ARIH2: variants seen among roughly 807,000 people sequenced by gnomAD.
The protein encoded by ARIH2 is ariadne RBR E3 ubiquitin protein ligase 2, also known as E3 ubiquitin-protein ligase ARIH2.
Under a neutral mutation model 79.8 loss-of-function variants are expected in ARIH2, and 12 were observed. The observed-to-expected ratio is 0.15, with a 90% confidence interval of 0.10 to 0.24. The LOEUF (loss-of-function observed/expected upper bound fraction) is 0.24, where lower values mean the gene tolerates loss of function less well. Ranked by LOEUF, ARIH2 falls within the 10% of genes least tolerant of loss-of-function variation. The pLI is 1.00. For missense variants in ARIH2, 301 were observed against 618.3 expected, an observed-to-expected ratio of 0.49 and a Z score of 5.44; for synonymous variants, 224 against 213.9, an observed-to-expected ratio of 1.05 and a Z score of -0.41.
intron 3 of ARIH2, among the ~76,000 whole-genome samples, chr3:48,953,214 G>A (rs1373012650): frequency 6.6e-6 from 1 of 152,112 alleles, no homozygotes; most frequent in Non-Finnish European, 1.5e-5. Context: ...ACAGGTGTAA[G>A]CCACCGCGCC....
At chr3:48,923,822 A>G (rs1303965846) in intron 2 of ARIH2, among the ~76,000 whole-genome samples, 1 of 152,050 alleles carries the variant, frequency 6.6e-6, no homozygotes, top group East Asian at 1.9e-4. Context: ...CGCCTCGCCA[A>G]TATTTTTATT....
chr3:48,923,893 T>C (rs2085199968), intron 2 of ARIH2, among the ~76,000 whole-genome samples: 1 of 152,162 alleles, frequency 6.6e-6, no homozygotes, highest in African/African-American at 2.4e-5. Context: ...CAGCGTTTTG[T>C]AAGGCCAACG....
At chr3:48,933,567 TGAGAC>T (rs1346727838) in intron 3 of ARIH2, among the ~76,000 whole-genome samples, 1 of 148,456 alleles carries the variant, frequency 6.7e-6, no homozygotes, top group African/African-American at 2.5e-5. Context: ...TTTTTTTAGT[TGAGAC>T]GGACTCTCGC....
chr3:48,969,632 C>T (rs962492533), intron 7 of ARIH2, among the ~76,000 whole-genome samples: 11 of 151,752 alleles, frequency 7.2e-5, no homozygotes, highest in Non-Finnish European at 4.4e-5. Flanking sequence ...GGACTACTGG[C>T]GCGCACCACC....
intron 11 of ARIH2, among the ~76,000 whole-genome samples, chr3:48,977,520 C>T (rs968739238): frequency 2.6e-5 from 4 of 151,914 alleles, no homozygotes; most frequent in South Asian, 2.1e-4. Context: ...TGCAGTGGTG[C>T]GATCTCGGCT....
At chr3:48,937,774 G>A (rs1410011465) in intron 3 of ARIH2, among the ~76,000 whole-genome samples, 7 of 152,048 alleles carry the variant, frequency 4.6e-5, no homozygotes, top group Admixed American at 6.6e-5. Flanking sequence ...CTGGCCAGGC[G>A]CGGTGGCTCA....
rs541869450 is a variant in ARIH2 at position 48,977,517 on chromosome 3, G to A, written c.962-1965G>A. ...CTGTCGCCTGGGCTAGAGTGCAGTG[G>A]TGCGATCTCGGCTCACTGCAACCTC... On this transcript the variant is annotated intron_variant, in intron 11 of 15. Transcript: ENST00000356401. Among the ~76,000 whole-genome samples, 11 of 152,136 alleles carry A rather than the reference G, an allele frequency of 7.2e-5. No individual in the cohort carries two copies. In the South Asian group the frequency reaches 2.3e-3, roughly 32 times the overall value.
intron 15 of ARIH2, 91 bp downstream of exon 15, chr3:48,983,070 G>A: frequency 6.7e-7 from 1 of 1,499,150 alleles, no homozygotes; most frequent in Non-Finnish European, 9.3e-7. Context: ...TGCACTGGTA[G>A]CTGCTGCTAA....
Position 48,918,853 on chromosome 3 carries a change from G to T in ARIH2, c.-307G>T, listed in dbSNP as rs369648980. On this transcript the variant is annotated 5_prime_UTR_variant, in exon 1 of 16. Transcript: ENST00000356401. ...CGCCAAGCACTTCCGGAGCTGTGGG[G>T]ACGACTCTTCTGGAGGAAGCAGCGC... 88 of 1,611,128 alleles carry T rather than the reference G, an allele frequency of 5.5e-5. 3 individuals are homozygous for T. The African/African-American group carries it at 6.7e-4, about 12-fold the overall frequency.
At chr3:48,940,899 G>A (rs1297053377) in intron 3 of ARIH2, among the ~76,000 whole-genome samples, 1 of 151,170 alleles carries the variant, frequency 6.6e-6, no homozygotes, top group Non-Finnish European at 1.5e-5. Flanking sequence ...GCTGGGCGCG[G>A]TGGCTCACAC....
chr3:48,928,507 C>CT (rs2085939070), intron 3 of ARIH2, among the ~76,000 whole-genome samples: 1 of 152,168 alleles, frequency 6.6e-6, no homozygotes. Flanking sequence ...GTTTCCTTCT[C>CT]TAACACTGGC....
chr3:48,932,442 T>C (rs945347274), intron 3 of ARIH2, among the ~76,000 whole-genome samples: 1 of 152,240 alleles, frequency 6.6e-6, no homozygotes, highest in Non-Finnish European at 1.5e-5. Context: ...ATGAGACTTA[T>C]ACAAAGATTA....
intron 3 of ARIH2, among the ~76,000 whole-genome samples, chr3:48,939,757 C>CAAAAAAAAAAAAAAA (rs1190260583): frequency 1.2e-4 from 5 of 43,460 alleles, no homozygotes; most frequent in Non-Finnish European, 2.6e-4. Context: ...GACTCCATCT[C>CAAAAAAAAAAAAAAA]AAAAAAAAAA....
At chr3:48,928,445 ATTATCCT>A (rs1333195733) in intron 3 of ARIH2, among the ~76,000 whole-genome samples, 8 of 152,214 alleles carry the variant, frequency 5.3e-5, no homozygotes, top group African/African-American at 1.9e-4. Context: ...TAGGCCAGTT[ATTATCCT>A]ATTTACATTT....
At chr3:48,975,931 G>A (rs547815561) in intron 11 of ARIH2, among the ~76,000 whole-genome samples, 2 of 150,612 alleles carry the variant, frequency 1.3e-5, no homozygotes, top group Non-Finnish European at 3.0e-5. Flanking sequence ...TATTTTTTGA[G>A]ACAGAGTCTC....
chr3:48,928,710 C>T (rs2106941912), intron 3 of ARIH2, among the ~76,000 whole-genome samples: 1 of 150,924 alleles, frequency 6.6e-6, no homozygotes, highest in East Asian at 1.9e-4. Flanking sequence ...ATAAAATTTG[C>T]TTTATCTACT....
intron 3 of ARIH2, among the ~76,000 whole-genome samples, chr3:48,932,805 A>T (rs1488544333): frequency 6.6e-6 from 1 of 152,164 alleles, no homozygotes; most frequent in Admixed American, 6.5e-5. Context: ...GAAATAGGCC[A>T]CTTTGAGCTA....
chr3:48,959,055 G>T (rs192983796), intron 3 of ARIH2, among the ~76,000 whole-genome samples: 10 of 151,824 alleles, frequency 6.6e-5, no homozygotes, highest in African/African-American at 2.4e-4. Context: ...GGTGGCTCAC[G>T]CCTGTAATCC....
chr3:48,920,132 A>G (rs182231038), intron 1 of ARIH2, among the ~76,000 whole-genome samples: 7 of 151,826 alleles, frequency 4.6e-5, no homozygotes, highest in Admixed American at 2.0e-4. Flanking sequence ...GGCACGTACC[A>G]CCACACCTGG....
Sources: allele counts gnomAD v4.1 joint callset (sites outside exome capture counted in the v4.1 genomes callset), GRCh38; gene constraint gnomAD v4.1.1; transcripts MANE v1.5; gene names NCBI Gene and HGNC (gene_info 2026-07-23, HGNC 2026-07-21).